GPHB5: variants seen among roughly 807,000 people sequenced by gnomAD.
The protein encoded by GPHB5 is glycoprotein hormone subunit beta 5.
GPHB5 carries 7 observed loss-of-function variants against 10.1 expected under a neutral mutation model. That is an observed-to-expected ratio of 0.69 (90% CI 0.39 to 1.30). GPHB5 has a LOEUF of 1.30. Among genes scored for constraint, GPHB5 ranks in the 50% most tolerant of loss-of-function variants. The probability of loss-of-function intolerance (pLI) is 0.01; values close to 1 mark genes in which losing one functional copy is unlikely to be tolerated. For missense variants in GPHB5, 161 were observed against 169.8 expected (o/e 0.95, Z 0.29); for synonymous variants, 68 against 70.1 (o/e 0.97, Z 0.15).
chr14:63,314,825 A>G (rs369306900), intron 2 of GPHB5, among the ~76,000 whole-genome samples: 1 of 150,326 alleles, frequency 6.7e-6, no homozygotes, highest in African/African-American at 2.5e-5. Flanking sequence ...GCAAAAAAGA[A>G]TATATATACA....
intron 2 of GPHB5, 107 bp from the exon 3 acceptor site, chr14:63,313,223 T>C: frequency 9.5e-7 from 1 of 1,056,798 alleles, no homozygotes. Context: ...TTCGTTGATT[T>C]ACTTGTTGCT....
In GPHB5 at chr14:63,317,677, T is replaced by A. The variant is rs752445668; in HGVS notation, c.173A>T (p.Asp58Val). 3 of 1,613,976 alleles carry A rather than the reference T, an allele frequency of 1.9e-6. No homozygotes were observed. In the Admixed American group the frequency reaches 5.0e-5, roughly 27 times the overall value. ...GGTCTCACAGCGACCCCAGCAGGCA[T>A]CCGTGGTGATCCGAAGGCCCCTGCA... ...PGCRGLRITTDACWGRCETWE... is the reference protein window; with the variant it reads ...PGCRGLRITTVACWGRCETWE... Residue 58 changes from aspartate to valine, a missense_variant, in exon 2 of 3, where the codon GAT (aspartate) becomes GTT (valine). Physicochemically the swap from Asp to Val is radical, Grantham distance 152. Transcript: ENST00000621500.
At position 63,317,779 on chromosome 14, in the gene GPHB5, C is replaced by T; in HGVS notation, c.71G>A (p.Gly24Asp). Residue 24 changes from glycine to aspartate, a missense_variant, in exon 2 of 3, where the codon GGT becomes GAT. Gly to Asp is a moderately conservative substitution (Grantham distance 94, BLOSUM62 -1). Transcript: ENST00000621500. ...LLLAGYGCVLGASSGNLRTFV... is the reference protein window; with the variant it reads ...LLLAGYGCVLDASSGNLRTFV... ...GGTGCGCAGGTTCCCACTGGAGGCA[C>T]CGAGGACACAGCCATAGCCAGCCAG... 6.2e-7 allele frequency: 1 copy of T among 1,613,974 alleles called. No individual in the cohort carries two copies. Among genetic ancestry groups the T allele is most frequent in the Non-Finnish European group, 8.5e-7 (1 of 1,179,898 alleles).
At chr14:63,315,885 T>G (rs1228157144) in intron 2 of GPHB5, among the ~76,000 whole-genome samples, 1 of 152,204 alleles carries the variant, frequency 6.6e-6, no homozygotes, top group Non-Finnish European at 1.5e-5. Context: ...GTTCCTGACC[T>G]CCTATGGGTG....
rs1235931702 is a variant in GPHB5 at position 63,318,907 on chromosome 14, G to T, written c.-85C>A. 1 of 152,188 alleles carries T rather than the reference G, an allele frequency of 6.6e-6. No individual in the cohort carries two copies. Among genetic ancestry groups the T allele is most frequent in the Non-Finnish European group, 1.5e-5 (1 of 68,038 alleles). 9.4% of individuals were successfully genotyped at this position (152,188 alleles called of 1,614,324 possible). On this transcript the variant is annotated 5_prime_UTR_variant, in exon 1 of 3. Transcript: ENST00000621500. ...AAGTCACAATGAATGGTAGAAGTTTGCCCTGGGTAAATGTCTCTACCTTCT... is the reference window on the plus strand; with the variant it reads ...AAGTCACAATGAATGGTAGAAGTTTTCCCTGGGTAAATGTCTCTACCTTCT...
intron 1 of GPHB5, 67 bp from the exon 2 acceptor site, chr14:63,317,917 C>T (rs1882801678): frequency 7.0e-7 from 1 of 1,432,088 alleles, no homozygotes; most frequent in African/African-American, 1.4e-5. Flanking sequence ...CACAGCCAAC[C>T]ATGCATTTGT....
intron 2 of GPHB5, among the ~76,000 whole-genome samples, chr14:63,313,984 G>A (rs1222049908): frequency 2.6e-5 from 4 of 152,082 alleles, no homozygotes; most frequent in Non-Finnish European, 5.9e-5. Flanking sequence ...TTTGCCCACT[G>A]TGCCTCAAGT....
Position 63,313,134 on chromosome 14 carries a change from A to G in GPHB5, c.205-18T>C, listed in dbSNP as rs1195569968. The G allele has an allele frequency of 2.0e-6, 3 of 1,480,364 alleles. No homozygotes were observed. Among genetic ancestry groups the G allele is most frequent in the African/African-American group, 2.3e-5 (1 of 43,984 alleles). 91.7% of individuals were successfully genotyped at this position (1,480,364 alleles called of 1,614,324 possible). The stretch of plus-strand genomic sequence containing the variant: ...ATGGGTTTCTGTCCCCATAGATAGA[A>G]AACAGAGAATTCATTAGAACATATG... On this transcript the variant is annotated intron_variant, in intron 2 of 2. Transcript: ENST00000621500.
At position 63,313,096 on chromosome 14, in the gene GPHB5, G is replaced by C; in HGVS notation, c.225C>G (p.Pro75=). Residue 75 remains proline, a synonymous_variant, in exon 3 of 3, where the codon CCC becomes CCG. Coordinates refer to ENST00000621500, the MANE Select transcript of GPHB5 (RefSeq NM_145171.4). ...AGACTCGATGATGGGCTTCAATATA[G>C]GGGGGTTCCAGAATGGGTTTCTGTC... ...ETWEKPILEP[P]YIEAHHRVCT... is the part of the protein sequence containing the mutation. The C allele has an allele frequency of 6.2e-7, 1 of 1,600,294 alleles. No individual in the cohort carries two copies. The highest frequency in any genetic ancestry group is 1.1e-5 in the South Asian group (1 of 88,258).
At chr14:63,314,291 A>C (rs728527) in intron 2 of GPHB5, among the ~76,000 whole-genome samples, 41,538 of 151,792 alleles carry the variant, frequency 0.27, 6,171 homozygotes, top group African/African-American at 0.4. Flanking sequence ...AAATCCACTT[A>C]ACTTCCTGAA....
intron 2 of GPHB5, 123 bp from the exon 3 acceptor site, chr14:63,313,239 G>T: frequency 2.1e-6 from 2 of 939,988 alleles, no homozygotes; most frequent in Non-Finnish European, 3.2e-6. Flanking sequence ...TTGCTCTGTC[G>T]TCTCCCAGTA....
At chr14:63,314,312 T>C (rs1882729183) in intron 2 of GPHB5, among the ~76,000 whole-genome samples, 3 of 152,062 alleles carry the variant, frequency 2.0e-5, no homozygotes. Context: ...GACTCAAGTT[T>C]CCTCCTCTGT....
In GPHB5 at chr14:63,312,968, C is replaced by T. The variant is rs1286050469; in HGVS notation, c.353G>A (p.Gly118Glu). The T allele has an allele frequency of 7.1e-6, 11 of 1,556,500 alleles. No homozygotes were observed. Among genetic ancestry groups the T allele is most frequent in the Admixed American group, 2.0e-5 (1 of 51,236 alleles). The change falls in exon 3 of 3, where the codon GGA becomes GAA. Residue 118 changes from glycine (G) to glutamate (E), a missense_variant. Coordinates refer to ENST00000621500, the MANE Select transcript of GPHB5 (RefSeq NM_145171.4). ...TYPVAIRCDC[G>E]ACSTATTECE... ...CTCCGTGGTGGCAGTGGAGCAGGCT[C>T]CGCAGTCACAGCGGATGGCCACGGG...
At chr14:63,313,236 G>T in intron 2 of GPHB5, 120 bp from the exon 3 acceptor site, 1 of 960,854 alleles carries the variant, frequency 1.0e-6, no homozygotes, top group African/African-American at 1.7e-5. Flanking sequence ...TTGTTGCTCT[G>T]TCGTCTCCCA....
At chr14:63,316,549 T>C (rs1243634052) in intron 2 of GPHB5, among the ~76,000 whole-genome samples, 1 of 152,024 alleles carries the variant, frequency 6.6e-6, no homozygotes, top group African/African-American at 2.4e-5. Flanking sequence ...TAGAGCATAG[T>C]CAAGGGCTTA....
At chr14:63,316,173 G>A (rs1348318548) in intron 2 of GPHB5, among the ~76,000 whole-genome samples, 3 of 152,236 alleles carry the variant, frequency 2.0e-5, no homozygotes, top group Non-Finnish European at 4.4e-5. Flanking sequence ...TGAGGCAAAA[G>A]AAAACTACTT....
intron 2 of GPHB5, among the ~76,000 whole-genome samples, chr14:63,316,158 C>T (rs1882767332): frequency 2.0e-5 from 3 of 152,210 alleles, no homozygotes; most frequent in Admixed American, 1.3e-4. Context: ...GCTCAAGCCC[C>T]TGAATGAGGC....
intron 2 of GPHB5, among the ~76,000 whole-genome samples, chr14:63,313,809 C>G (rs1003616059): frequency 5.9e-5 from 9 of 152,178 alleles, no homozygotes; most frequent in African/African-American, 1.9e-4. Flanking sequence ...CCTGACCATC[C>G]TATTTAAAAT....
chr14:63,317,792 C>T lies in GPHB5; in HGVS notation c.58G>A (p.Gly20Ser). The T allele has an allele frequency of 6.2e-7, 1 of 1,614,058 alleles. No homozygotes were observed. The highest frequency in any genetic ancestry group is 8.5e-7 in the Non-Finnish European group (1 of 1,179,904). Residue 20 changes from glycine to serine, a missense_variant, in exon 2 of 3, where the codon GGC (glycine) becomes AGC (serine). Coordinates refer to ENST00000621500, the MANE Select transcript of GPHB5 (RefSeq NM_145171.4). ...CCACTGGAGGCACCGAGGACACAGC[C>T]ATAGCCAGCCAGAAGGAGGAGGGCC... ...PMALLLLAGY[G>S]CVLGASSGNL...
Sources: gnomAD v4.1 joint callset for allele counts (sites outside exome capture counted in the v4.1 genomes callset) on GRCh38, gnomAD v4.1.1 for gene constraint, MANE v1.5 for transcripts, NCBI Gene and HGNC (gene_info 2026-07-23, HGNC 2026-07-21) for gene names.